NEDD4: variants seen among roughly 807,000 people sequenced by gnomAD.
NEDD4 encodes the protein NEDD4 E3 ubiquitin protein ligase.
NEDD4 carries 99 observed loss-of-function variants against 144.9 expected under a neutral mutation model. That is an observed-to-expected ratio of 0.68 (90% CI 0.58 to 0.81). The LOEUF (loss-of-function observed/expected upper bound fraction) is 0.81, where lower values mean the gene tolerates loss of function less well. Ranked by LOEUF, NEDD4 falls within the 30% of genes least tolerant of loss-of-function variation. The pLI, the probability that NEDD4 is intolerant of heterozygous loss-of-function variation, is 0.00. For synonymous variants in NEDD4, 318 were observed against 350.6 expected (o/e 0.91, Z 1.04); for missense variants, 985 against 1,065.9 (o/e 0.92, Z 1.06).
At chr15:55,932,580 A>G (rs1296080600) in intron 4 of NEDD4, among the ~76,000 whole-genome samples, 1 of 152,236 alleles carries the variant, frequency 6.6e-6, no homozygotes, top group African/African-American at 2.4e-5. Flanking sequence ...AAGAAAAGCT[A>G]GGCAATACCA....
intron 4 of NEDD4, among the ~76,000 whole-genome samples, chr15:55,947,735 T>C (rs550308108): frequency 1.3e-5 from 2 of 152,314 alleles, no homozygotes; most frequent in East Asian, 3.9e-4. Flanking sequence ...GAAAAGGCCT[T>C]TGACAAAATT....
Position 55,860,692 on chromosome 15 carries a change from G to T in NEDD4, c.761C>A (p.Thr254Lys), listed in dbSNP as rs2034369034. 5.0e-6 allele frequency: 8 copies of T among 1,614,044 alleles called. No homozygotes were observed. Among genetic ancestry groups the T allele is most frequent in the Non-Finnish European group, 6.8e-6 (8 of 1,180,014 alleles). ...FTTRRQISEE[T>K]ESVDNRESSE... The stretch of plus-strand genomic sequence containing the variant: ...AGACTCTCGGTTGTCAACACTTTCT[G>T]TTTCCTCGGATATCTGCCGCCTGGT... Residue 254 changes from threonine to lysine, a missense_variant, in exon 10 of 29, where the codon ACA becomes AAA. Transcript: ENST00000435532.
At chr15:55,908,646 A>G (rs1041973058) in intron 5 of NEDD4, among the ~76,000 whole-genome samples, 1 of 152,210 alleles carries the variant, frequency 6.6e-6, no homozygotes, top group Non-Finnish European at 1.5e-5. Flanking sequence ...CTGCATTTTA[A>G]TAAGATCGCC....
rs543669950 is a variant in NEDD4 at position 55,869,472 on chromosome 15, T to C, written c.507+107A>G. On this transcript the variant is annotated intron_variant, in intron 8 of 28. Coordinates refer to ENST00000435532, the MANE Select transcript of NEDD4 (RefSeq NM_006154.4). ...GTGAAATAAACATCCAAGTAAATAA[T>C]CTTCATTGCACATGTTAACTTCATT... 14 of 633,956 alleles carry C rather than the reference T, an allele frequency of 2.2e-5. No homozygotes were observed. The African/African-American group carries it at 2.2e-4, about 10-fold the overall frequency. The allele number at this position is 633,956 out of a possible 1,614,324, so 39.3% of individuals were successfully genotyped here. A position where few individuals can be genotyped will look rare whatever the true frequency, so the allele number is the denominator to read the frequency against.
intron 1 of NEDD4, among the ~76,000 whole-genome samples, chr15:55,993,009 T>G (rs1445279735): frequency 1.3e-5 from 2 of 152,020 alleles, no homozygotes; most frequent in Admixed American, 6.5e-5. Context: ...GGATTTCAGA[T>G]AAAGAAGAAA....
chr15:55,955,259 G>C (rs1371224112), intron 2 of NEDD4, among the ~76,000 whole-genome samples: 2 of 152,106 alleles, frequency 1.3e-5, no homozygotes, highest in Non-Finnish European at 2.9e-5. Context: ...GCAGGCTCAA[G>C]TGATCCACCT....
intron 4 of NEDD4, among the ~76,000 whole-genome samples, chr15:55,950,792 G>T (rs1411104855): frequency 6.6e-6 from 1 of 152,120 alleles, no homozygotes; most frequent in Non-Finnish European, 1.5e-5. Flanking sequence ...TGATACAAGT[G>T]GGAATAATCC....
chr15:55,980,578 G>C (rs2140444039), intron 1 of NEDD4, among the ~76,000 whole-genome samples: 1 of 152,288 alleles, frequency 6.6e-6, no homozygotes, highest in Admixed American at 6.5e-5. Context: ...AATTTGGAAA[G>C]AAGAAAACAA....
intron 5 of NEDD4, among the ~76,000 whole-genome samples, chr15:55,881,556 A>G (rs1388597275): frequency 6.6e-6 from 1 of 152,190 alleles, no homozygotes; most frequent in East Asian, 1.9e-4. Context: ...TAAAATCTCA[A>G]TCAGGATGAC....
chr15:55,925,716 T>A (rs182879058), intron 4 of NEDD4, among the ~76,000 whole-genome samples: 8 of 152,330 alleles, frequency 5.3e-5, no homozygotes, highest in Middle Eastern at 3.4e-3. Flanking sequence ...CAAAGATATC[T>A]AGATACCTAA....
At chr15:55,937,400 A>C (rs1285699927) in intron 4 of NEDD4, among the ~76,000 whole-genome samples, 2 of 152,340 alleles carry the variant, frequency 1.3e-5, no homozygotes, top group East Asian at 3.9e-4. Flanking sequence ...TTTGCACAGA[A>C]GATATTTCAC....
rs147060928 is a variant in NEDD4, at chr15:55,916,023, G to A, written c.291+8623C>T. The A allele has an allele frequency of 2.4e-4, 387 of 1,613,784 alleles. 2 individuals carry two copies. In the African/African-American group the frequency reaches 2.4e-3, roughly 10 times the overall value. ...CGGTCGGGTAGTTGAAGGACTCCTA[G>A]GAAAAATGACTAAGGAGGAGTAACG... On this transcript the variant is annotated intron_variant, in intron 5 of 28. Transcript: ENST00000435532.
chr15:55,897,074 C>G (rs915458458), intron 5 of NEDD4, among the ~76,000 whole-genome samples: 1 of 152,100 alleles, frequency 6.6e-6, no homozygotes, highest in Non-Finnish European at 1.5e-5. Context: ...CCCAGGTTCA[C>G]GCCATTCTCC....
In NEDD4 at chr15:55,856,462, A is replaced by C. The variant is rs561315249; in HGVS notation, c.961-266T>G. 4.0e-5 allele frequency among the ~76,000 whole-genome samples: 6 copies of C among 151,044 alleles called. No individual in the cohort carries two copies. In the South Asian group the frequency reaches 1.3e-3, roughly 32 times the overall value. The stretch of plus-strand genomic sequence containing the variant: ...TTTCACAGAAACCATTCTCAAATAC[A>C]CTCCCTCTCCACTTTAGTTACTAGT... On this transcript the variant is annotated intron_variant, in intron 11 of 28. Transcript: ENST00000435532.
chr15:55,896,106 C>T (rs1222343183), intron 5 of NEDD4, among the ~76,000 whole-genome samples: 7 of 152,138 alleles, frequency 4.6e-5, no homozygotes, highest in Non-Finnish European at 8.8e-5. Flanking sequence ...AAAAGCCCCC[C>T]AATAGCTGCA....
At chr15:55,993,016 G>T (rs1342251055) in intron 1 of NEDD4, among the ~76,000 whole-genome samples, 1 of 152,090 alleles carries the variant, frequency 6.6e-6, no homozygotes, top group Non-Finnish European at 1.5e-5. Context: ...AGATAAAGAA[G>T]AAAAAAACAA....
At chr15:55,923,599 A>T (rs2036608082) in intron 5 of NEDD4, among the ~76,000 whole-genome samples, 2 of 150,762 alleles carry the variant, frequency 1.3e-5, no homozygotes, top group Non-Finnish European at 2.9e-5. Flanking sequence ...GTGAGTTGAG[A>T]CTGAGCCACT....
intron 2 of NEDD4, among the ~76,000 whole-genome samples, chr15:55,964,602 T>C (rs2037478396): frequency 6.6e-6 from 1 of 151,912 alleles, no homozygotes; most frequent in African/African-American, 2.4e-5. Flanking sequence ...CATTATATCC[T>C]GGACATATAT....
intron 26 of NEDD4, 68 bp downstream of exon 26, chr15:55,833,970 C>A: frequency 9.0e-7 from 1 of 1,115,746 alleles, no homozygotes. Flanking sequence ...TATAGTTAAT[C>A]AAGAGTTGAC....
Sources: gnomAD v4.1 joint callset for allele counts (sites outside exome capture counted in the v4.1 genomes callset) on GRCh38, gnomAD v4.1.1 for gene constraint, MANE v1.5 for transcripts, NCBI Gene and HGNC (gene_info 2026-07-23, HGNC 2026-07-21) for gene names.